Variants in STAT4 observed in about 807,000 individuals in gnomAD.
STAT4 encodes signal transducer and activator of transcription 4.
In STAT4, 42 loss-of-function variants were observed where a neutral mutation model predicts 110.5. That is an observed-to-expected ratio of 0.38 (90% CI 0.30 to 0.49). The LOEUF (loss-of-function observed/expected upper bound fraction) is 0.49, where lower values mean the gene tolerates loss of function less well. Among genes scored for constraint, STAT4 ranks in the 20% least tolerant of loss-of-function variants. STAT4 has a pLI of 0.95. For missense variants in STAT4, 632 were observed against 887.9 expected, an observed-to-expected ratio of 0.71 and a Z score of 3.66; for synonymous variants, 284 against 302.2, an observed-to-expected ratio of 0.94 and a Z score of 0.63.
rs372418749 is a variant in STAT4 at position 191,031,424 on chromosome 2, T to C, written c.2111+26A>G. 3.2e-4 allele frequency: 516 copies of C among 1,603,736 alleles called. No homozygotes were observed. The highest frequency in any genetic ancestry group is 4.1e-4 in the Non-Finnish European group (485 of 1,175,438). The stretch of plus-strand genomic sequence containing the variant: ...TATAGGAAAGCTTTTTATAAAAATA[T>C]TTCACATGTGACTAACATTACTCAC... On this transcript the variant is annotated intron_variant, in intron 22 of 23. Transcript: ENST00000392320. This position sits in a 1 kb window ranked among gnomAD's most constrained non-coding sequence, Gnocchi z 4.8.
chr2:191,109,867 AACTGCG>A (rs1349567847), intron 3 of STAT4, among the ~76,000 whole-genome samples: 2 of 152,270 alleles, frequency 1.3e-5, no homozygotes, highest in Admixed American at 1.3e-4. Context: ...GCTCCCTGGC[AACTGCG>A]TTGGGCAACT....
At chr2:191,105,563 T>C (rs1021576320) in intron 3 of STAT4, among the ~76,000 whole-genome samples, 1 of 152,156 alleles carries the variant, frequency 6.6e-6, no homozygotes, top group African/African-American at 2.4e-5. Context: ...CTGTATAAAA[T>C]ACATAAAACA....
In STAT4 at chr2:191,060,941, C is replaced by T. The variant is rs560754704; in HGVS notation, c.1034+788G>A. Among the ~76,000 whole-genome samples the T allele has an allele frequency of 1.3e-5, 2 of 152,286 alleles. No homozygotes were observed. Among genetic ancestry groups the T allele is most frequent in the South Asian group, 4.1e-4 (2 of 4,820 alleles). On this transcript the variant is annotated intron_variant, in intron 10 of 23. Coordinates refer to ENST00000392320, the MANE Select transcript of STAT4 (RefSeq NM_003151.4). This position sits in a 1 kb window ranked among gnomAD's most constrained non-coding sequence, Gnocchi z 4.5. ...CTGCTCTGTACCATGGCATCACCACCTCTTGACCTGTTAGTCTGTGGTTTC... is the reference window on the plus strand; with the variant it reads ...CTGCTCTGTACCATGGCATCACCACTTCTTGACCTGTTAGTCTGTGGTTTC...
intron 3 of STAT4, among the ~76,000 whole-genome samples, chr2:191,128,400 T>A (rs1698940808): frequency 6.6e-6 from 1 of 152,082 alleles, no homozygotes; most frequent in East Asian, 1.9e-4. Context: ...GCAACATGAG[T>A]TAGAAGAGAG....
chr2:191,120,697 G>GTT (rs1698699622), intron 3 of STAT4, among the ~76,000 whole-genome samples: 1 of 152,186 alleles, frequency 6.6e-6, no homozygotes, highest in Non-Finnish European at 1.5e-5. Context: ...TTTAATAAAT[G>GTT]GCACTGGGAA....
rs1699296167 is a variant in STAT4 at position 191,140,598 on chromosome 2, C to T, written c.273+6015G>A. 6.6e-6 allele frequency among the ~76,000 whole-genome samples: 1 copy of T among 152,116 alleles called. No homozygotes were observed. The highest frequency in any genetic ancestry group is 2.4e-5 in the African/African-American group (1 of 41,416). On this transcript the variant is annotated intron_variant, in intron 3 of 23. Coordinates refer to ENST00000392320, the MANE Select transcript of STAT4 (RefSeq NM_003151.4). This position sits in a 1 kb window ranked among gnomAD's most constrained non-coding sequence, Gnocchi z 4.4. Reference sequence around the variant, plus strand: ...TGAAAAAGTCAAAAACCAATAGACGCTGGCATGGATGTAGTGAAAAGGGAA... The same window carrying T: ...TGAAAAAGTCAAAAACCAATAGACGTTGGCATGGATGTAGTGAAAAGGGAA...
At chr2:191,095,429 C>T (rs1242395024) in intron 3 of STAT4, among the ~76,000 whole-genome samples, 4 of 152,174 alleles carry the variant, frequency 2.6e-5, no homozygotes. Context: ...GACCACAGCG[C>T]AATCAAATTA....
chr2:191,139,176 C>T (rs544247356), intron 3 of STAT4, among the ~76,000 whole-genome samples: 7 of 152,028 alleles, frequency 4.6e-5, no homozygotes, highest in South Asian at 4.2e-4. Context: ...GCATTCCCCC[C>T]GAGAGCTGGA....
chr2:191,048,390 T>G (rs559125984), intron 14 of STAT4, among the ~76,000 whole-genome samples: 1 of 152,202 alleles, frequency 6.6e-6, no homozygotes, highest in Non-Finnish European at 1.5e-5. Context: ...ATAGTCTTCA[T>G]TATTTCATCA....
At chr2:191,040,259 A>T (rs1559039798) in intron 15 of STAT4, among the ~76,000 whole-genome samples, 2 of 152,204 alleles carry the variant, frequency 1.3e-5, no homozygotes, top group Admixed American at 6.5e-5. Context: ...TGATTGTTTT[A>T]TGAGGATCAA....
At chr2:191,092,390 C>A (rs938552266) in intron 3 of STAT4, among the ~76,000 whole-genome samples, 3 of 152,110 alleles carry the variant, frequency 2.0e-5, no homozygotes, top group East Asian at 1.9e-4. Flanking sequence ...GGTGACAGAG[C>A]AAGACTCTGT....
chr2:191,149,954 C>G (rs1169055524), intron 1 of STAT4, among the ~76,000 whole-genome samples: 1 of 152,106 alleles, frequency 6.6e-6, no homozygotes, highest in South Asian at 2.1e-4. Flanking sequence ...ATATGGTTAA[C>G]AATAACTTAG....
chr2:191,050,910 C>A lies in STAT4; in HGVS notation c.1251+3580G>T, dbSNP rs747312054. The stretch of plus-strand genomic sequence containing the variant: ...CAGGGTGCTGCAAATCTAGGGAGGT[C>A]TGGAATGGCAACTTAGTGAAACTAT... On this transcript the variant is annotated intron_variant, in intron 14 of 23. Transcript: ENST00000392320. The surrounding 1 kb of genome is among the most constrained non-coding windows in gnomAD (Gnocchi z 4.3). 4.9e-4 allele frequency among the ~76,000 whole-genome samples: 75 copies of A among 152,182 alleles called. No homozygotes were observed. Among genetic ancestry groups the A allele is most frequent in the Admixed American group, 7.9e-4 (12 of 15,278 alleles).
Position 191,058,207 on chromosome 2 carries a change from A to C in STAT4, c.1107T>G (p.Thr369=). The C allele has an allele frequency of 6.2e-7, 1 of 1,613,762 alleles. No individual in the cohort carries two copies. Among genetic ancestry groups the C allele is most frequent in the Non-Finnish European group, 8.5e-7 (1 of 1,179,820 alleles). ...VKASIDKNVS[T]LSNRRFVLCG... is the part of the protein sequence containing the mutation. The stretch of plus-strand genomic sequence containing the variant: ...CCACAAAGTAAATGTCTTACCTTAG[A>C]GTTGAAACATTCCTGTAAAACCAAG... The change falls in exon 12 of 24, where the codon ACT becomes ACG. Residue 369 remains threonine (T), a synonymous_variant. Coordinates refer to ENST00000392320, the MANE Select transcript of STAT4 (RefSeq NM_003151.4). The surrounding 1 kb of genome is among the most constrained non-coding windows in gnomAD (Gnocchi z 4.3).
rs757415991 is a variant in STAT4, at chr2:191,142,951, G to C, written c.273+3662C>G. 6.6e-6 allele frequency among the ~76,000 whole-genome samples: 1 copy of C among 152,078 alleles called. No homozygotes were observed. Among genetic ancestry groups the C allele is most frequent in the Non-Finnish European group, 1.5e-5 (1 of 68,012 alleles). ...CCCATAAAATTATACAACACAAGGAGTGAATCTTAATGTAGTCTTGAAATG... is the reference window on the plus strand; with the variant it reads ...CCCATAAAATTATACAACACAAGGACTGAATCTTAATGTAGTCTTGAAATG... On this transcript the variant is annotated intron_variant, in intron 3 of 23. Transcript: ENST00000392320. The surrounding 1 kb of genome is among the most constrained non-coding windows in gnomAD (Gnocchi z 4.1).
At chr2:191,105,430 A>T (rs1039111859) in intron 3 of STAT4, among the ~76,000 whole-genome samples, 1 of 152,238 alleles carries the variant, frequency 6.6e-6, no homozygotes, top group African/African-American at 2.4e-5. Flanking sequence ...TGTTCTTTTT[A>T]AAAAGGTGGT....
intron 6 of STAT4, among the ~76,000 whole-genome samples, chr2:191,067,050 C>T (rs1697008976): frequency 1.3e-5 from 2 of 148,634 alleles, no homozygotes; most frequent in South Asian, 2.1e-4. Context: ...CTTTCCCCCA[C>T]TTTTTTTTCT....
chr2:191,146,812 T>C lies in STAT4; in HGVS notation c.129-55A>G, dbSNP rs928618178. The C allele has an allele frequency of 4.6e-5, 65 of 1,411,820 alleles. No homozygotes were observed. The highest frequency in any genetic ancestry group is 5.9e-5 in the Non-Finnish European group (63 of 1,072,794). 87.5% of individuals were successfully genotyped at this position (1,411,820 alleles called of 1,614,324 possible). A position where few individuals can be genotyped will look rare whatever the true frequency, so the allele number is the denominator to read the frequency against. ...GAAAACAACTTTGTAAAATGTCTAC[T>C]TTTTTACCATACTAACTTTAAAACA... On this transcript the variant is annotated intron_variant, in intron 2 of 23. Coordinates refer to ENST00000392320, the MANE Select transcript of STAT4 (RefSeq NM_003151.4). The surrounding 1 kb of genome is among the most constrained non-coding windows in gnomAD (Gnocchi z 4.5).
rs1696780419 is a variant in STAT4 at position 191,059,046 on chromosome 2, C to T, written c.1035-277G>A. Among the ~76,000 whole-genome samples, 1 of 151,352 alleles carries T rather than the reference C, an allele frequency of 6.6e-6. No homozygotes were observed. The highest frequency in any genetic ancestry group is 2.4e-5 in the African/African-American group (1 of 41,162). On this transcript the variant is annotated intron_variant, in intron 10 of 23. Transcript: ENST00000392320. The surrounding 1 kb of genome is among the most constrained non-coding windows in gnomAD (Gnocchi z 4.7). ...TGATGTTTGCTGGATAATACGTTGG[C>T]CAGGTCAGAAAAAAAAAAGCTATAT...
Sources: allele counts gnomAD v4.1 joint callset (sites outside exome capture counted in the v4.1 genomes callset), GRCh38; gene constraint gnomAD v4.1.1; non-coding constraint Gnocchi (gnomAD v3.1); transcripts MANE v1.5; gene names NCBI Gene and HGNC (gene_info 2026-07-23, HGNC 2026-07-21).